MXD3: variants seen among roughly 807,000 people sequenced by gnomAD.
MXD3 encodes MAX dimerization protein 3.
A neutral mutation model predicts 27.5 loss-of-function variants in MXD3; 20 were observed. That is an observed-to-expected ratio of 0.73 (90% CI 0.51 to 1.06). The LOEUF (loss-of-function observed/expected upper bound fraction) is 1.06, where lower values mean the gene tolerates loss of function less well. MXD3 is among the 50% of genes least tolerant of loss of function. The probability of loss-of-function intolerance (pLI) is 0.00; values close to 1 mark genes in which losing one functional copy is unlikely to be tolerated. For synonymous variants in MXD3, 150 were observed against 130.7 expected (o/e 1.15, Z -1.01); for missense variants, 298 against 291.3 (o/e 1.02, Z -0.17).
Position 177,311,863 on chromosome 5 carries a change from G to T in MXD3, c.-33C>A, listed in dbSNP as rs890767659. 3 of 1,601,940 alleles carry T rather than the reference G, an allele frequency of 1.9e-6. No individual in the cohort carries two copies. The highest frequency in any genetic ancestry group is 1.7e-5 in the Admixed American group (1 of 57,456). The stretch of plus-strand genomic sequence containing the variant: ...ACAGCTGGCGGCGGGCCGGCCTAGG[G>T]TGCCGGCCGGAGCAAGCGGCTGCAG... On this transcript the variant is annotated 5_prime_UTR_variant, in exon 1 of 6. Coordinates refer to ENST00000439742, the MANE Select transcript of MXD3 (RefSeq NM_031300.4).
chr5:177,310,721 G>T (rs775195979), intron 2 of MXD3, 24 bp from the exon 3 acceptor site: 1 of 1,613,964 alleles, frequency 6.2e-7, no homozygotes, highest in Non-Finnish European at 8.5e-7. Context: ...AGAGGATGAG[G>T]TGAAGGGGAA....
chr5:177,305,832 T>C, downstream of MXD3: 1 of 1,574,630 alleles, frequency 6.4e-7, no homozygotes, highest in Non-Finnish European at 8.7e-7. Flanking sequence ...GTTGGCAAAA[T>C]GAAAGACTGT....
rs570359439 is a variant in MXD3 at position 177,311,457 on chromosome 5, C to A, written c.98G>T (p.Cys33Phe). ...REAEHGYASL[C>F]PHRSPGPIHR... ...GATGGGGCCTGGACTGCGATGCGGG[C>A]ACAGGGACGCATAACCATGCTCGGC... is the stretch of plus-strand genomic sequence containing the variant. Residue 33 changes from cysteine (C) to phenylalanine (F), a missense_variant, in exon 2 of 6, where the codon TGC becomes TTC. Physicochemically the swap from Cys to Phe is radical, Grantham distance 205 (BLOSUM62 -2). Transcript: ENST00000439742. 5.6e-6 allele frequency: 8 copies of A among 1,432,080 alleles called. No homozygotes were observed. The highest frequency in any genetic ancestry group is 2.8e-5 in the East Asian group (1 of 35,318). 88.7% of individuals were successfully genotyped at this position (1,432,080 alleles called of 1,614,324 possible). A position where few individuals can be genotyped will look rare whatever the true frequency, so the allele number is the denominator to read the frequency against.
chr5:177,311,750 T>C lies in MXD3; in HGVS notation c.70+11A>G. 6.2e-7 allele frequency: 1 copy of C among 1,612,168 alleles called. No individual in the cohort carries two copies. The highest frequency in any genetic ancestry group is 1.1e-5 in the South Asian group (1 of 90,658). On this transcript the variant is annotated intron_variant, in intron 1 of 5. Coordinates refer to ENST00000439742, the MANE Select transcript of MXD3 (RefSeq NM_031300.4). ...TCGCCGCCCGGAATTCAGCCAAGGG[T>C]CCTTCCTCACCTCTCTCACGGCGCT...
Position 177,307,499 on chromosome 5 carries a change from G to C in MXD3, c.*89C>G, listed in dbSNP as rs1014264855. ...TTAGTCCATTCCAACAGGTGACTCC[G>C]AGCAGCCCTGAAGGCTTGGGGAGGG... On this transcript the variant is annotated 3_prime_UTR_variant, in exon 6 of 6. Transcript: ENST00000439742. 54 of 1,554,306 alleles carry C rather than the reference G, an allele frequency of 3.5e-5. No individual in the cohort carries two copies. Among genetic ancestry groups the C allele is most frequent in the Non-Finnish European group, 4.7e-5 (54 of 1,152,430 alleles).
Position 177,310,448 on chromosome 5 carries a change from C to A in MXD3, c.299G>T (p.Arg100Leu), listed in dbSNP as rs145235522. 3 of 1,612,332 alleles carry A rather than the reference C, an allele frequency of 1.9e-6. No individual in the cohort carries two copies. In the African/African-American group the frequency reaches 4.0e-5, roughly 22 times the overall value. Residue 100 changes from arginine (R) to leucine (L), a missense_variant, in exon 4 of 6, where the codon CGC becomes CTC. Arg to Leu is a moderately radical substitution (Grantham distance 102). Transcript: ENST00000439742. The part of the protein sequence containing the change: ...CARYTTLSLL[R>L]RARMHIQKLE... Reference sequence around the variant, plus strand: ...CACCTGGATGTGCATCCTGGCACGGCGCAGCAGGCTCAGCGTGGTGTACCG... The same window carrying A: ...CACCTGGATGTGCATCCTGGCACGGAGCAGCAGGCTCAGCGTGGTGTACCG...
chr5:177,308,378 GT>G (rs561139172), intron 4 of MXD3, among the ~76,000 whole-genome samples: 31 of 146,436 alleles, frequency 2.1e-4, no homozygotes, highest in Non-Finnish European at 1.8e-4. Context: ...TTTGTTTTTT[GT>G]TTTTTTTTTT....
chr5:177,306,808 C>T (rs997984800), downstream of MXD3: 19 of 782,578 alleles, frequency 2.4e-5, no homozygotes, highest in Middle Eastern at 3.5e-4. Context: ...GTGACTTGCC[C>T]GGGGCTCCAG....
At position 177,307,282 on chromosome 5, in the gene MXD3, G is replaced by A. The variant is rs757806513; in HGVS notation, c.*306C>T. ...AAAGGCAGGGGGCCTTGTCCAGGAA[G>A]GGAAGAGGCCCAAGAGGCTTCCTGT... On this transcript the variant is annotated 3_prime_UTR_variant, in exon 6 of 6. Coordinates refer to ENST00000439742, the MANE Select transcript of MXD3 (RefSeq NM_031300.4). 2.6e-6 allele frequency: 4 copies of A among 1,551,350 alleles called. No homozygotes were observed. The South Asian group carries it at 3.6e-5, about 14-fold the overall frequency.
At chr5:177,312,536 G>A (rs1761062953), upstream of MXD3, 2 of 985,464 alleles carry the variant, frequency 2.0e-6, no homozygotes, top group Non-Finnish European at 2.4e-6. Flanking sequence ...CGGCGGAGGG[G>A]CGGCGGACCC....
At chr5:177,307,115 A>T, downstream of MXD3, 1 of 1,505,102 alleles carries the variant, frequency 6.6e-7, no homozygotes. Flanking sequence ...CACGGCCAAC[A>T]GTGTCAGTGA....
chr5:177,308,366 CTTTTG>C (rs1760945656), intron 4 of MXD3, among the ~76,000 whole-genome samples: 2 of 151,722 alleles, frequency 1.3e-5, no homozygotes, highest in African/African-American at 4.8e-5. Flanking sequence ...CTCCCCGTTT[CTTTTG>C]TTTTTTGTTT....
downstream of MXD3, chr5:177,306,362 G>A (rs1760874221): frequency 1.2e-6 from 2 of 1,610,536 alleles, no homozygotes; most frequent in African/African-American, 1.3e-5. Flanking sequence ...TCATGGGGGA[G>A]GGAAATTAGG....
intron 2 of MXD3, 80 bp from the exon 3 acceptor site, chr5:177,310,777 G>T: frequency 6.5e-7 from 1 of 1,534,324 alleles, no homozygotes. Flanking sequence ...AGTGGCTCAA[G>T]AGCCACTACA....
At chr5:177,310,992 G>T (rs1205021589) in intron 2 of MXD3, 4 of 527,038 alleles carry the variant, frequency 7.6e-6, no homozygotes, top group Non-Finnish European at 1.3e-5. Context: ...TGCGGAAACA[G>T]ATGTTTCCCA....
chr5:177,306,898 T>C, downstream of MXD3: 3 of 749,256 alleles, frequency 4.0e-6, no homozygotes, highest in South Asian at 6.1e-5. Flanking sequence ...TTCTCTGATG[T>C]GTCTCAGTAT....
chr5:177,307,259 A>G lies in MXD3; in HGVS notation c.*329T>C. The G allele has an allele frequency of 6.4e-7, 1 of 1,551,696 alleles. No homozygotes were observed. The highest frequency in any genetic ancestry group is 8.7e-7 in the Non-Finnish European group (1 of 1,146,974). On this transcript the variant is annotated 3_prime_UTR_variant, in exon 6 of 6. Coordinates refer to ENST00000439742, the MANE Select transcript of MXD3 (RefSeq NM_031300.4). Reference sequence around the variant, plus strand: ...ATACTGTACAGTTTATGTGAGGCAAAGGCAGGGGGCCTTGTCCAGGAAGGG... The same window carrying G: ...ATACTGTACAGTTTATGTGAGGCAAGGGCAGGGGGCCTTGTCCAGGAAGGG...
At chr5:177,311,544 C>A (rs1761039698) in intron 1 of MXD3, 60 bp from the exon 2 acceptor site, 2 of 1,322,362 alleles carry the variant, frequency 1.5e-6, no homozygotes, top group Non-Finnish European at 1.0e-6. Context: ...CAGCGGCAGC[C>A]CCAGGCACAG....
chr5:177,307,006 T>C (rs1760895919), downstream of MXD3: 1 of 1,426,958 alleles, frequency 7.0e-7, no homozygotes, highest in Non-Finnish European at 9.3e-7. Flanking sequence ...TTCACTGTTT[T>C]TGGACCTCAG....
Sources: gnomAD v4.1 joint callset for allele counts (sites outside exome capture counted in the v4.1 genomes callset) on GRCh38, gnomAD v4.1.1 for gene constraint, MANE v1.5 for transcripts, NCBI Gene and HGNC (gene_info 2026-07-23, HGNC 2026-07-21) for gene names.